ADGRB3: variants seen among roughly 807,000 people sequenced by gnomAD.
ADGRB3 encodes adhesion G protein-coupled receptor B3.
ADGRB3 carries 37 observed loss-of-function variants against 193.4 expected under a neutral mutation model. The observed-to-expected ratio is 0.19, with a 90% CI of 0.15 to 0.25. The LOEUF is 0.25. ADGRB3 is among the 10% of genes least tolerant of loss of function. The pLI is 1.00. For missense variants in ADGRB3, 1,637 were observed against 1,852.9 expected (o/e 0.88, Z 2.14); for synonymous variants, 690 against 644.2 (o/e 1.07, Z -1.08).
chr6:69,086,973 G>T (rs558751511), intron 17 of ADGRB3, among the ~76,000 whole-genome samples: 1 of 152,094 alleles, frequency 6.6e-6, no homozygotes, highest in African/African-American at 2.4e-5. Context: ...TGTTAGAAAC[G>T]TAATTGTAAT....
chr6:69,079,599 T>G (rs541468499), intron 17 of ADGRB3, among the ~76,000 whole-genome samples: 2 of 151,990 alleles, frequency 1.3e-5, no homozygotes, highest in Non-Finnish European at 2.9e-5. Context: ...GGGAAAGAAA[T>G]AAAGGGTATG....
intron 20 of ADGRB3, among the ~76,000 whole-genome samples, chr6:69,305,029 T>G (rs1582619577): frequency 6.6e-6 from 1 of 151,544 alleles, no homozygotes; most frequent in East Asian, 2.0e-4. Context: ...TACGGGACCA[T>G]GAATATGTTA....
intron 3 of ADGRB3, among the ~76,000 whole-genome samples, chr6:68,741,313 T>C (rs1323116906): frequency 6.6e-6 from 1 of 152,158 alleles, no homozygotes; most frequent in Admixed American, 6.5e-5. Context: ...AGGTCAAAGG[T>C]CACATAGCTA....
At chr6:69,094,498 G>A (rs978869338) in intron 17 of ADGRB3, among the ~76,000 whole-genome samples, 3 of 152,084 alleles carry the variant, frequency 2.0e-5, no homozygotes, top group African/African-American at 7.2e-5. Context: ...TTAATATTTA[G>A]CATTTAGATA....
At chr6:68,646,927 G>A (rs1768229508) in intron 3 of ADGRB3, among the ~76,000 whole-genome samples, 2 of 152,186 alleles carry the variant, frequency 1.3e-5, no homozygotes, top group African/African-American at 4.8e-5. Flanking sequence ...AGTGCTTGAT[G>A]TTTTGTGCAT....
chr6:69,121,854 G>A (rs575069912), intron 17 of ADGRB3, among the ~76,000 whole-genome samples: 33 of 151,260 alleles, frequency 2.2e-4, no homozygotes, highest in Middle Eastern at 3.4e-3. Context: ...TCACCTCCCA[G>A]ATGGGGTGGC....
chr6:68,745,221 A>T (rs1388771336), intron 3 of ADGRB3, among the ~76,000 whole-genome samples: 2 of 152,236 alleles, frequency 1.3e-5, no homozygotes, highest in African/African-American at 4.8e-5. Context: ...ACAGAAGAAT[A>T]AACAAATTGT....
intron 20 of ADGRB3, among the ~76,000 whole-genome samples, chr6:69,307,042 C>T (rs754562698): frequency 6.6e-5 from 10 of 151,248 alleles, no homozygotes; most frequent in Admixed American, 2.0e-4. Context: ...GTGCCCAATA[C>T]GTTATAGTAG....
chr6:69,173,992 T>C (rs1740207024), intron 17 of ADGRB3, among the ~76,000 whole-genome samples: 1 of 152,244 alleles, frequency 6.6e-6, no homozygotes, highest in South Asian at 2.1e-4. Flanking sequence ...AGATGAACGT[T>C]TGAAGAAAAG....
intron 23 of ADGRB3, chr6:69,331,631 A>T (rs1363978558): frequency 1.5e-5 from 15 of 985,304 alleles, no homozygotes; most frequent in Non-Finnish European, 1.7e-5. Context: ...TGCAAAGGGA[A>T]ATCAAAACTA....
At chr6:69,062,758 T>C (rs3734465) in intron 15 of ADGRB3, among the ~76,000 whole-genome samples, 176 bp from the exon 16 acceptor site, 11,645 of 152,004 alleles carry the variant, frequency 0.077, 568 homozygotes, top group African/African-American at 0.13. Flanking sequence ...CTAAGTTTTC[T>C]GTTCCACATA....
intron 3 of ADGRB3, among the ~76,000 whole-genome samples, chr6:68,812,262 G>A (rs1000365796): frequency 6.6e-6 from 1 of 152,156 alleles, no homozygotes; most frequent in South Asian, 2.1e-4. Context: ...TATCCTGTAG[G>A]TGGTAGAGAG....
chr6:69,240,469 A>G (rs1234618795), intron 20 of ADGRB3, among the ~76,000 whole-genome samples: 1 of 152,046 alleles, frequency 6.6e-6, no homozygotes, highest in Non-Finnish European at 1.5e-5. Flanking sequence ...AGACTATTAA[A>G]ATATAGTTCA....
chr6:69,306,066 A>G (rs1768061965), intron 20 of ADGRB3, among the ~76,000 whole-genome samples: 2 of 151,512 alleles, frequency 1.3e-5, no homozygotes, highest in African/African-American at 4.9e-5. Context: ...ATTTTATATA[A>G]GGGAGTTGAG....
chr6:69,145,016 A>G (rs1774446101), intron 17 of ADGRB3, among the ~76,000 whole-genome samples: 1 of 152,044 alleles, frequency 6.6e-6, no homozygotes, highest in Admixed American at 6.6e-5. Context: ...ATTGTTTGGA[A>G]TAGTTTGAGT....
intron 3 of ADGRB3, among the ~76,000 whole-genome samples, chr6:68,727,664 C>T (rs913618987): frequency 1.3e-5 from 2 of 151,478 alleles, no homozygotes; most frequent in Non-Finnish European, 3.0e-5. Context: ...ATTTTTTTCA[C>T]TGAGTCTTTC....
At chr6:68,763,935 T>A (rs1448323691) in intron 3 of ADGRB3, among the ~76,000 whole-genome samples, 3 of 151,934 alleles carry the variant, frequency 2.0e-5, no homozygotes. Flanking sequence ...TAACCTGGTG[T>A]GTTGGAGTGT....
At chr6:69,381,333 A>G (rs750120940) in intron 30 of ADGRB3, among the ~76,000 whole-genome samples, 1 of 151,912 alleles carries the variant, frequency 6.6e-6, no homozygotes, top group Non-Finnish European at 1.5e-5. Context: ...GCTATGTTTC[A>G]TGTCCCTATC....
Position 69,370,879 on chromosome 6 carries a change from T to G in ADGRB3, c.4240-1527T>G, listed in dbSNP as rs568384343. Among the ~76,000 whole-genome samples, 5 of 152,230 alleles carry G rather than the reference T, an allele frequency of 3.3e-5. No individual in the cohort carries two copies. In the South Asian group the frequency reaches 6.2e-4, roughly 19 times the overall value. ...GCAGAATGGAAGCCCTGACATTTAGTCTAGCATATTGCAGCAAAGTGTGGT... is the reference window on the plus strand; with the variant it reads ...GCAGAATGGAAGCCCTGACATTTAGGCTAGCATATTGCAGCAAAGTGTGGT... On this transcript the variant is annotated intron_variant, in intron 29 of 31. Transcript: ENST00000370598.
Sources: gnomAD v4.1 joint callset for allele counts (sites outside exome capture counted in the v4.1 genomes callset) on GRCh38, gnomAD v4.1.1 for gene constraint, MANE v1.5 for transcripts, NCBI Gene and HGNC (gene_info 2026-07-23, HGNC 2026-07-21) for gene names.